Variants in TINAG observed in about 807,000 individuals in gnomAD.
TINAG encodes tubulointerstitial nephritis antigen.
TINAG carries 83 observed loss-of-function variants against 72.7 expected under a neutral mutation model. The observed-to-expected ratio is 1.14, with a 90% CI of 0.96 to 1.37. The LOEUF (loss-of-function observed/expected upper bound fraction) is 1.37. Ranked by LOEUF, TINAG falls within the 40% of genes most tolerant of loss-of-function variation. The pLI is 0.00. For synonymous variants in TINAG, 234 were observed against 189.9 expected, an observed-to-expected ratio of 1.23 and a Z score of -1.91; for missense variants, 685 against 576.6, an observed-to-expected ratio of 1.19 and a Z score of -1.93.
intron 9 of TINAG, among the ~76,000 whole-genome samples, chr6:54,379,495 C>G (rs1763881235): frequency 6.6e-6 from 1 of 152,208 alleles, no homozygotes; most frequent in South Asian, 2.1e-4. Context: ...TCCATACATA[C>G]ATGTGTTTAC....
At chr6:54,366,828 G>T (rs926123232) in intron 9 of TINAG, among the ~76,000 whole-genome samples, 3 of 151,622 alleles carry the variant, frequency 2.0e-5, no homozygotes, top group African/African-American at 7.3e-5. Flanking sequence ...ACAGAAAGCT[G>T]CTCCAGGAAA....
intron 7 of TINAG, among the ~76,000 whole-genome samples, chr6:54,350,357 A>G (rs187451238): frequency 5.3e-5 from 8 of 152,112 alleles, no homozygotes; most frequent in Admixed American, 2.0e-4. Context: ...TTACTTCTTC[A>G]TATCAGTGTT....
intron 9 of TINAG, among the ~76,000 whole-genome samples, chr6:54,376,692 A>T (rs769672270): frequency 1.3e-5 from 2 of 152,170 alleles, no homozygotes; most frequent in Non-Finnish European, 2.9e-5. Context: ...ACATGCATGG[A>T]AATATTAATA....
At chr6:54,345,618 A>G (rs138229543) in intron 5 of TINAG, among the ~76,000 whole-genome samples, 54 of 152,254 alleles carry the variant, frequency 3.5e-4, no homozygotes, top group African/African-American at 1.2e-3. Context: ...CAGAGCATCA[A>G]AGAATTTCTC....
chr6:54,324,948 C>T (rs550771776), intron 3 of TINAG, among the ~76,000 whole-genome samples: 1 of 152,224 alleles, frequency 6.6e-6, no homozygotes, highest in East Asian at 1.9e-4. Flanking sequence ...TTTTTACTAC[C>T]TTATCTTTTA....
intron 1 of TINAG, among the ~76,000 whole-genome samples, chr6:54,313,253 G>A (rs1031699030): frequency 6.6e-6 from 1 of 152,058 alleles, no homozygotes; most frequent in African/African-American, 2.4e-5. Flanking sequence ...AACATGATGA[G>A]AATACATAAG....
At chr6:54,333,596 TC>T (rs1362554014) in intron 4 of TINAG, among the ~76,000 whole-genome samples, 1 of 151,390 alleles carries the variant, frequency 6.6e-6, no homozygotes, top group Non-Finnish European at 1.5e-5. Context: ...TACACATGTA[TC>T]CCAGAACTTG....
chr6:54,323,535 T>C (rs1052041806), intron 3 of TINAG, among the ~76,000 whole-genome samples: 10 of 152,264 alleles, frequency 6.6e-5, no homozygotes, highest in Non-Finnish European at 1.2e-4. Flanking sequence ...GTATTTTAGA[T>C]CCAAGTCTTT....
At chr6:54,316,298 T>G (rs7740970) in intron 1 of TINAG, among the ~76,000 whole-genome samples, 121,648 of 152,094 alleles carry the variant, frequency 0.8, 48,998 homozygotes, top group African/African-American at 0.88. Context: ...ACAAGGGTGG[T>G]ATGTGACTTT....
intron 1 of TINAG, among the ~76,000 whole-genome samples, chr6:54,311,575 C>T (rs1363337888): frequency 1.3e-5 from 2 of 152,142 alleles, no homozygotes; most frequent in East Asian, 1.9e-4. Flanking sequence ...ATCAGTAAAA[C>T]GTGATTTCTC....
At chr6:54,368,746 C>A (rs1005887915) in intron 9 of TINAG, among the ~76,000 whole-genome samples, 1 of 151,376 alleles carries the variant, frequency 6.6e-6, no homozygotes, top group African/African-American at 2.4e-5. Flanking sequence ...GATTAAAAAA[C>A]AAAACAAAAA....
chr6:54,366,228 G>A (rs895588551), intron 9 of TINAG, among the ~76,000 whole-genome samples: 26 of 150,612 alleles, frequency 1.7e-4, no homozygotes, highest in Non-Finnish European at 4.4e-5. Context: ...TATGAATACT[G>A]TATCTATATG....
intron 9 of TINAG, among the ~76,000 whole-genome samples, chr6:54,363,212 G>T (rs572556977): frequency 1.3e-5 from 2 of 151,690 alleles, no homozygotes; most frequent in South Asian, 2.1e-4. Context: ...GATTTTTGTC[G>T]AGGATGTTAA....
chr6:54,358,273 A>G (rs1763117409), intron 9 of TINAG, among the ~76,000 whole-genome samples: 1 of 151,788 alleles, frequency 6.6e-6, no homozygotes, highest in Admixed American at 6.6e-5. Context: ...TACAATTATC[A>G]CTTTTTAACA....
At chr6:54,338,288 A>G (rs1299947942) in intron 4 of TINAG, among the ~76,000 whole-genome samples, 1 of 152,200 alleles carries the variant, frequency 6.6e-6, no homozygotes. Flanking sequence ...GTAAAAATTT[A>G]TTATTTTCTT....
chr6:54,317,939 G>A (rs2150933207), intron 1 of TINAG, among the ~76,000 whole-genome samples: 1 of 151,810 alleles, frequency 6.6e-6, no homozygotes, highest in South Asian at 2.1e-4. Context: ...TTGTGTTCTT[G>A]GCCTCTCGAC....
chr6:54,324,551 A>T (rs1302919399), intron 3 of TINAG, among the ~76,000 whole-genome samples: 2 of 152,182 alleles, frequency 1.3e-5, no homozygotes, highest in Non-Finnish European at 1.5e-5. Flanking sequence ...ATTCTTTCTT[A>T]TGAACTCAAA....
At chr6:54,319,998 T>C (rs1370193874) in intron 1 of TINAG, among the ~76,000 whole-genome samples, 2 of 144,912 alleles carry the variant, frequency 1.4e-5, no homozygotes, top group Non-Finnish European at 3.1e-5. Flanking sequence ...AGTTAATAAC[T>C]AGTTTCAGTT....
At chr6:54,356,882 C>T (rs912130566) in intron 9 of TINAG, among the ~76,000 whole-genome samples, 1 of 150,338 alleles carries the variant, frequency 6.7e-6, no homozygotes, top group Non-Finnish European at 1.5e-5. Context: ...ATTTCTATTT[C>T]TACCACCATA....
Sources: allele counts gnomAD v4.1 joint callset (sites outside exome capture counted in the v4.1 genomes callset), GRCh38; gene constraint gnomAD v4.1.1; transcripts MANE v1.5; gene names NCBI Gene and HGNC (gene_info 2026-07-23, HGNC 2026-07-21).